Variants in NEDD4L observed in about 807,000 individuals in gnomAD.
NEDD4L encodes the protein NEDD4 like E3 ubiquitin protein ligase.
In NEDD4L, 54 loss-of-function variants were observed where a neutral mutation model predicts 148.9. The ratio of observed to expected loss-of-function variants is 0.36; its 90% CI spans 0.29 to 0.45. The LOEUF is 0.45. Among genes scored for constraint, NEDD4L ranks in the 20% least tolerant of loss-of-function variants. The probability of loss-of-function intolerance (pLI) is 1.00; values close to 1 mark genes in which losing one functional copy is unlikely to be tolerated. For missense variants in NEDD4L, 856 were observed against 1,233.8 expected (o/e 0.69, Z 4.59); for synonymous variants, 433 against 440.7 (o/e 0.98, Z 0.22).
At chr18:58,217,519 G>C (rs149139047) in intron 2 of NEDD4L, among the ~76,000 whole-genome samples, 1 of 151,870 alleles carries the variant, frequency 6.6e-6, no homozygotes, top group African/African-American at 2.4e-5. Flanking sequence ...TGTCACCCAC[G>C]AGTGTGGTGC....
intron 1 of NEDD4L, among the ~76,000 whole-genome samples, chr18:58,087,767 G>A (rs1010263770): frequency 3.3e-5 from 5 of 152,138 alleles, no homozygotes; most frequent in South Asian, 4.1e-4. Context: ...CCAGCTACTC[G>A]GGAGGCTGAG....
intron 2 of NEDD4L, among the ~76,000 whole-genome samples, chr18:58,229,839 A>G (rs1432759834): frequency 6.6e-6 from 1 of 151,904 alleles, no homozygotes; most frequent in Non-Finnish European, 1.5e-5. Context: ...AAAATACAAA[A>G]ATTAGCTGGG....
At chr18:58,301,054 G>GA (rs1235550157) in intron 5 of NEDD4L, among the ~76,000 whole-genome samples, 1 of 152,158 alleles carries the variant, frequency 6.6e-6, no homozygotes, top group East Asian at 1.9e-4. Flanking sequence ...ATACAGCACA[G>GA]AAAGTTTAGG....
chr18:58,201,419 C>T (rs1221608323), intron 2 of NEDD4L, among the ~76,000 whole-genome samples: 1 of 152,062 alleles, frequency 6.6e-6, no homozygotes, highest in African/African-American at 2.4e-5. Flanking sequence ...AACATGAGAG[C>T]CAACAGCATA....
chr18:58,319,016 G>A (rs1364658053), intron 6 of NEDD4L, among the ~76,000 whole-genome samples: 2 of 152,204 alleles, frequency 1.3e-5, no homozygotes, highest in African/African-American at 2.4e-5. Context: ...TTGATGCCCT[G>A]CCTGTACTTG....
chr18:58,314,149 AC>A (rs2058006937), intron 5 of NEDD4L, among the ~76,000 whole-genome samples: 1 of 152,058 alleles, frequency 6.6e-6, no homozygotes, highest in Non-Finnish European at 1.5e-5. Context: ...AGGCATGGTG[AC>A]TCACACCTGT....
chr18:58,243,729 T>C (rs1371130836), intron 2 of NEDD4L, among the ~76,000 whole-genome samples: 3 of 152,160 alleles, frequency 2.0e-5, no homozygotes, highest in East Asian at 1.9e-4. Flanking sequence ...AGGGTGTCCA[T>C]AGAAGGAGAA....
intron 1 of NEDD4L, among the ~76,000 whole-genome samples, chr18:58,093,429 A>G (rs2084196235): frequency 6.6e-6 from 1 of 152,158 alleles, no homozygotes; most frequent in African/African-American, 2.4e-5. Flanking sequence ...TCAAAATTAT[A>G]TTTGTCCCTT....
At chr18:58,315,339 C>T (rs531361448) in intron 5 of NEDD4L, among the ~76,000 whole-genome samples, 1 of 152,132 alleles carries the variant, frequency 6.6e-6, no homozygotes, top group South Asian at 2.1e-4. Flanking sequence ...TGATTTTCAC[C>T]TGGGCCTCTT....
chr18:58,080,946 G>A (rs148063526), intron 1 of NEDD4L, among the ~76,000 whole-genome samples: 9 of 152,050 alleles, frequency 5.9e-5, no homozygotes. Flanking sequence ...TAGAGGGCTG[G>A]GGGGTATGAA....
rs1047338886 is a variant in NEDD4L at position 58,047,503 on chromosome 18, T to G, written c.48+2795T>G. 4.1e-6 allele frequency: 4 copies of G among 985,282 alleles called. No homozygotes were observed. The African/African-American group carries it at 7.0e-5, about 17-fold the overall frequency. The allele number at this position is 985,282 out of a possible 1,614,324, so 61.0% of individuals were successfully genotyped here. ...GTCATCAGCAGAGGTCTGTCCACTTTGTAGAAGGTAAGGGGTTGAGATGTG... is the reference window on the plus strand; with the variant it reads ...GTCATCAGCAGAGGTCTGTCCACTTGGTAGAAGGTAAGGGGTTGAGATGTG... On this transcript the variant is annotated intron_variant, in intron 1 of 30. Coordinates refer to ENST00000400345, the MANE Select transcript of NEDD4L (RefSeq NM_001144967.3).
chr18:58,252,666 A>T (rs11660748), intron 5 of NEDD4L, among the ~76,000 whole-genome samples: 1 of 152,144 alleles, frequency 6.6e-6, no homozygotes, highest in Non-Finnish European at 1.5e-5. Flanking sequence ...TGTATATATA[A>T]TATGTTTATG....
chr18:58,245,283 A>G (rs2047122788), intron 2 of NEDD4L, 144 bp from the exon 3 acceptor site: 1 of 487,244 alleles, frequency 2.1e-6, no homozygotes, highest in Non-Finnish European at 3.7e-6. Context: ...GACTTAGTAG[A>G]TATGTTAAAA....
chr18:58,274,179 A>T (rs937936080), intron 5 of NEDD4L, among the ~76,000 whole-genome samples: 29 of 152,136 alleles, frequency 1.9e-4, no homozygotes, highest in Non-Finnish European at 8.8e-5. Context: ...GCCATCTTGG[A>T]TGCTCCAGCC....
chr18:58,390,676 A>G lies in NEDD4L; in HGVS notation c.2686A>G (p.Ile896Val). 1.3e-6 allele frequency: 2 copies of G among 1,596,844 alleles called. No individual in the cohort carries two copies. The highest frequency in any genetic ancestry group is 1.7e-6 in the Non-Finnish European group (2 of 1,170,804). ...AVLLMDAEKR[I>V]RLLQFVTGTS... The stretch of plus-strand genomic sequence containing the variant: ...GCTACTCATGGACGCCGAAAAGCGT[A>G]TCCGGTTACTGCAGTTTGTCACAGG... Residue 896 changes from isoleucine (I) to valine (V), a missense_variant, in exon 29 of 31, where the codon ATC (isoleucine) becomes GTC (valine). By Grantham distance (29) the Ile-to-Val change is conservative. Transcript: ENST00000400345.
chr18:58,101,031 C>G (rs1255510721), intron 1 of NEDD4L, among the ~76,000 whole-genome samples: 1 of 152,146 alleles, frequency 6.6e-6, no homozygotes, highest in Non-Finnish European at 1.5e-5. Context: ...GTTTCAAGGT[C>G]CTGGGCTCAA....
At chr18:58,324,937 C>T (rs1048866334) in intron 8 of NEDD4L, 59 bp from the exon 9 acceptor site, 38 of 1,495,096 alleles carry the variant, frequency 2.5e-5, no homozygotes, top group Non-Finnish European at 3.0e-5. Flanking sequence ...GCTGTGATGA[C>T]CTCTTACTCA....
At chr18:58,383,700 CTCCCAACT>C (rs2048643426) in intron 25 of NEDD4L, among the ~76,000 whole-genome samples, 1 of 152,232 alleles carries the variant, frequency 6.6e-6, no homozygotes, top group Admixed American at 6.5e-5. Flanking sequence ...TTTTGTCTCT[CTCCCAACT>C]TCTTTTCCAT....
chr18:58,245,433 G>A lies in NEDD4L; in HGVS notation c.129G>A (p.Pro43=), dbSNP rs564001263. ...AKKDIFGASD[P]YVKLSLYVAD... The stretch of plus-strand genomic sequence containing the variant: ...CTAAAATATTTTCTTACAGTGATCC[G>A]TATGTGAAACTTTCATTGTACGTAG... Residue 43 remains proline (P), a synonymous_variant, in exon 3 of 31, where the codon CCG becomes CCA. Transcript: ENST00000400345. 21 of 1,517,706 alleles carry A rather than the reference G, an allele frequency of 1.4e-5. No homozygotes were observed. The highest frequency in any genetic ancestry group is 1.1e-4 in the African/African-American group (8 of 73,076). The allele number at this position is 1,517,706 out of a possible 1,614,324, so 94.0% of individuals were successfully genotyped here.
Sources: allele counts gnomAD v4.1 joint callset (sites outside exome capture counted in the v4.1 genomes callset), GRCh38; gene constraint gnomAD v4.1.1; transcripts MANE v1.5; gene names NCBI Gene and HGNC (gene_info 2026-07-23, HGNC 2026-07-21).